EPS15L1: variants seen among roughly 807,000 people sequenced by gnomAD.
EPS15L1 encodes the protein epidermal growth factor receptor substrate 15-like 1.
In EPS15L1, 43 loss-of-function variants were observed where a neutral mutation model predicts 117.1. That is an observed-to-expected ratio of 0.37 (90% CI 0.29 to 0.47). EPS15L1 has a LOEUF of 0.47. EPS15L1 is among the 20% of genes least tolerant of loss of function. EPS15L1 has a pLI of 0.99. For synonymous variants in EPS15L1, 459 were observed against 470.5 expected (o/e 0.98, Z 0.32); for missense variants, 981 against 1,164.0 (o/e 0.84, Z 2.29).
intron 22 of EPS15L1, among the ~76,000 whole-genome samples, chr19:16,374,403 T>C (rs1379176849): frequency 6.6e-6 from 1 of 152,184 alleles, no homozygotes; most frequent in Non-Finnish European, 1.5e-5. Flanking sequence ...CAGGACCCCC[T>C]GGGTCTCAAA....
At chr19:16,440,291 G>A (rs971810455) in intron 4 of EPS15L1, among the ~76,000 whole-genome samples, 1 of 151,960 alleles carries the variant, frequency 6.6e-6, no homozygotes, top group Non-Finnish European at 1.5e-5. Flanking sequence ...AAATTAGCCA[G>A]GCATGATGGT....
chr19:16,448,661 T>C (rs2093110323), intron 1 of EPS15L1, among the ~76,000 whole-genome samples: 1 of 150,878 alleles, frequency 6.6e-6, no homozygotes. Flanking sequence ...CTGGCTAACA[T>C]GGCTAAAAAT....
chr19:16,386,080 C>G, intron 20 of EPS15L1, 91 bp downstream of exon 20: 1 of 1,008,120 alleles, frequency 9.9e-7, no homozygotes. Flanking sequence ...ACAGAGGCCA[C>G]GCTGGCTTTG....
chr19:16,384,845 G>A (rs971753440), intron 21 of EPS15L1, among the ~76,000 whole-genome samples: 1 of 152,078 alleles, frequency 6.6e-6, no homozygotes, highest in Non-Finnish European at 1.5e-5. Flanking sequence ...GTTTCTACTC[G>A]GCCATGGCAA....
In EPS15L1 at chr19:16,441,076, C is replaced by T. The variant is rs1400802707; in HGVS notation, c.166-167G>A. The T allele has an allele frequency of 5.6e-6, 4 of 708,056 alleles. No homozygotes were observed. In the East Asian group the frequency reaches 1.0e-4, roughly 18 times the overall value. 43.9% of individuals were successfully genotyped at this position (708,056 alleles called of 1,614,324 possible). On this transcript the variant is annotated intron_variant, in intron 3 of 23. Coordinates refer to ENST00000455140, the MANE Select transcript of EPS15L1 (RefSeq NM_001258374.3). ...CAATTCAGAGCAGGTGAATGATCTG[C>T]CCAGGGGCGCACAGCCAGTCAGCGG...
intron 22 of EPS15L1, among the ~76,000 whole-genome samples, chr19:16,376,202 T>C (rs1177136423): frequency 5.3e-5 from 8 of 151,976 alleles, no homozygotes; most frequent in Non-Finnish European, 1.2e-4. Context: ...TCAGGGACAG[T>C]GTGGGGAACA....
At chr19:16,410,883 A>G (rs1298259815) in intron 13 of EPS15L1, among the ~76,000 whole-genome samples, 1 of 152,224 alleles carries the variant, frequency 6.6e-6, no homozygotes, top group Non-Finnish European at 1.5e-5. Context: ...ACTGTACTCC[A>G]GCCTGGGCAA....
intron 13 of EPS15L1, among the ~76,000 whole-genome samples, chr19:16,410,840 G>C (rs932034047): frequency 6.6e-6 from 1 of 152,212 alleles, no homozygotes; most frequent in Admixed American, 6.5e-5. Context: ...CTGAGTCTGG[G>C]AGGCAGAAGT....
Position 16,395,324 on chromosome 19 carries a change from G to C in EPS15L1, c.1915+20C>G, listed in dbSNP as rs1599574148. 1 of 1,608,164 alleles carries C rather than the reference G, an allele frequency of 6.2e-7. No homozygotes were observed. The highest frequency in any genetic ancestry group is 8.5e-7 in the Non-Finnish European group (1 of 1,177,088). On this transcript the variant is annotated intron_variant, in intron 17 of 23. Transcript: ENST00000455140. ...AAACACACAGTCTTTCAATGAGAAA[G>C]TGGGTAGCAAGTGAGATACCTTTGA...
At chr19:16,356,001 G>C (rs1483440827) in intron 23 of EPS15L1, 150 bp from the exon 24 acceptor site, 1 of 979,658 alleles carries the variant, frequency 1.0e-6, no homozygotes, top group Non-Finnish European at 1.5e-6. Context: ...GTCTTGGCTG[G>C]GCCCAGTGGG....
intron 1 of EPS15L1, among the ~76,000 whole-genome samples, chr19:16,467,131 T>C (rs1002812236): frequency 1.3e-5 from 2 of 151,254 alleles, no homozygotes; most frequent in African/African-American, 4.9e-5. Context: ...CTGCACCTGA[T>C]GGTGCCTGCT....
At chr19:16,439,924 AT>A (rs201668616) in intron 4 of EPS15L1, among the ~76,000 whole-genome samples, 1,877 of 133,124 alleles carry the variant, frequency 0.014, 19 homozygotes, top group African/African-American at 0.026. Flanking sequence ...CAGATTTCAG[AT>A]TTTTTTTTTT....
chr19:16,455,943 A>G (rs971087378), intron 1 of EPS15L1, among the ~76,000 whole-genome samples: 1 of 152,190 alleles, frequency 6.6e-6, no homozygotes, highest in Non-Finnish European at 1.5e-5. Flanking sequence ...GATCACACCT[A>G]TAATTCCAGC....
In EPS15L1 at chr19:16,471,178, C is replaced by A. The variant is rs2093343510; in HGVS notation, c.33+735G>T. On this transcript the variant is annotated intron_variant, in intron 1 of 23. Coordinates refer to ENST00000455140, the MANE Select transcript of EPS15L1 (RefSeq NM_001258374.3). This position sits in a 1 kb window ranked among gnomAD's most constrained non-coding sequence, Gnocchi z 4.8. ...TTCTAGTTCCCACGAGTGTCACCTC[C>A]AGGAAAGCAGCGACCTTGTCTGTCT... Among the ~76,000 whole-genome samples the A allele has an allele frequency of 6.6e-6, 1 of 152,198 alleles. No homozygotes were observed. Among genetic ancestry groups the A allele is most frequent in the African/African-American group, 2.4e-5 (1 of 41,454 alleles).
intron 12 of EPS15L1, among the ~76,000 whole-genome samples, chr19:16,414,050 A>G (rs1449840983): frequency 6.6e-6 from 1 of 151,996 alleles, no homozygotes; most frequent in Admixed American, 6.6e-5. Context: ...GATCGCTCCC[A>G]ATGTAACCAC....
chr19:16,385,835 G>A (rs2092415701), intron 20 of EPS15L1, among the ~76,000 whole-genome samples: 1 of 152,208 alleles, frequency 6.6e-6, no homozygotes, highest in African/African-American at 2.4e-5. Flanking sequence ...AGTACCTGGG[G>A]TCAAATTCTG....
At chr19:16,374,193 C>T (rs1352586902) in intron 22 of EPS15L1, among the ~76,000 whole-genome samples, 1 of 152,210 alleles carries the variant, frequency 6.6e-6, no homozygotes, top group East Asian at 1.9e-4. Flanking sequence ...CCCTCCCCGC[C>T]TTTCCTCTTC....
chr19:16,410,262 C>T (rs1261590059), intron 13 of EPS15L1, among the ~76,000 whole-genome samples: 2 of 152,098 alleles, frequency 1.3e-5, no homozygotes, highest in Admixed American at 6.6e-5. Flanking sequence ...TGGAAAGATA[C>T]TTGACGTCGC....
chr19:16,403,053 CACAG>C (rs1275350123), intron 15 of EPS15L1, among the ~76,000 whole-genome samples: 3 of 152,214 alleles, frequency 2.0e-5, no homozygotes, highest in East Asian at 1.9e-4. Context: ...GCTAATGGAG[CACAG>C]ACAGAGACCA....
Sources: gnomAD v4.1 joint callset for allele counts (sites outside exome capture counted in the v4.1 genomes callset) on GRCh38, gnomAD v4.1.1 for gene constraint, Gnocchi (gnomAD v3.1) non-coding constraint, MANE v1.5 for transcripts, NCBI Gene and HGNC (gene_info 2026-07-23, HGNC 2026-07-21) for gene names.